The following DST variants were observed in gnomAD, a reference collection of about 807,000 sequenced individuals.
The protein encoded by DST is bullous pemphigoid antigen.
Under a neutral mutation model 875.2 loss-of-function variants are expected in DST, and 253 were observed. The ratio of observed to expected loss-of-function variants is 0.29; its 90% confidence interval spans 0.26 to 0.32. The LOEUF (loss-of-function observed/expected upper bound fraction) is 0.32, where lower values mean the gene tolerates loss of function less well. DST is among the 10% of genes least tolerant of loss of function. The pLI is 1.00. For missense variants in DST, 8,287 were observed against 9,111.6 expected (o/e 0.91, Z 3.68); for synonymous variants, 3,124 against 3,197.1 (o/e 0.98, Z 0.77).
intron 9 of DST, among the ~76,000 whole-genome samples, chr6:56,695,347 T>C (rs1184349606): frequency 2.6e-5 from 4 of 152,116 alleles, no homozygotes; most frequent in Non-Finnish European, 5.9e-5. Context: ...ACCTCTTTTC[T>C]GTTCTTTATA....
At chr6:56,825,870 C>T (rs2099779852) in intron 4 of DST, among the ~76,000 whole-genome samples, 1 of 152,178 alleles carries the variant, frequency 6.6e-6, no homozygotes, top group Non-Finnish European at 1.5e-5. Context: ...CCTTAATTGT[C>T]CTGTGACAAA....
At chr6:56,946,270 A>G (rs1192717390) in intron 2 of DST, among the ~76,000 whole-genome samples, 1 of 152,244 alleles carries the variant, frequency 6.6e-6, no homozygotes, top group East Asian at 1.9e-4. Context: ...ACTAAATTAA[A>G]GACTGAAACA....
At chr6:56,580,387 A>C (rs1250748229) in intron 49 of DST, among the ~76,000 whole-genome samples, 1 of 151,994 alleles carries the variant, frequency 6.6e-6, no homozygotes, top group Non-Finnish European at 1.5e-5. Context: ...TCTTTACAAA[A>C]AAAAATTAAA....
chr6:56,880,993 G>A (rs1324606034), intron 3 of DST, among the ~76,000 whole-genome samples: 2 of 151,156 alleles, frequency 1.3e-5, no homozygotes, highest in African/African-American at 2.4e-5. Context: ...GACTACAGTC[G>A]CCCACCACCA....
chr6:56,686,039 A>C (rs1380270727), intron 9 of DST, among the ~76,000 whole-genome samples: 1 of 152,224 alleles, frequency 6.6e-6, no homozygotes, highest in Non-Finnish European at 1.5e-5. Context: ...ATGGGAATCA[A>C]CCTAGGTGTC....
At chr6:56,549,104 T>C (rs530591093) in intron 61 of DST, among the ~76,000 whole-genome samples, 59 of 152,312 alleles carry the variant, frequency 3.9e-4, no homozygotes, top group African/African-American at 1.3e-3. Context: ...GGGAAGTCTA[T>C]CAAACCTGCT....
At chr6:56,492,499 T>C (rs1339498826) in intron 84 of DST, 66 bp from the exon 85 acceptor site, 3 of 1,458,310 alleles carry the variant, frequency 2.1e-6, no homozygotes, top group Non-Finnish European at 2.8e-6. Flanking sequence ...AAAATGCTTC[T>C]GGTGTCATAA....
chr6:56,560,718 G>A (rs1001317476), intron 57 of DST, among the ~76,000 whole-genome samples: 2 of 152,080 alleles, frequency 1.3e-5, no homozygotes, highest in Non-Finnish European at 2.9e-5. Flanking sequence ...CTGGAATAAA[G>A]CAAGATGATA....
rs1562733309 is a variant in DST, at chr6:56,552,308, T to G, written c.16484A>C (p.Glu5495Ala). 6.2e-7 allele frequency: 1 copy of G among 1,614,010 alleles called. No homozygotes were observed. Among genetic ancestry groups the G allele is most frequent in the Non-Finnish European group, 8.5e-7 (1 of 1,179,894 alleles). Residue 5495 changes from glutamate to alanine, a missense_variant, in exon 61 of 104, where the codon GAA becomes GCA. Glu to Ala is a moderately radical substitution (Grantham distance 107, BLOSUM62 -1). Transcript: ENST00000680361. ...EQVEGTIKRL[E>A]EFYSKLKEFS... is the part of the protein sequence containing the mutation. ...TTCTTTCAATTTGCTGTAAAATTCT[T>G]CAAGGCGCTTAATTGTCCCTTCAAC... is the stretch of plus-strand genomic sequence containing the variant.
intron 4 of DST, among the ~76,000 whole-genome samples, chr6:56,758,704 G>A (rs183128104): frequency 6.6e-5 from 10 of 152,328 alleles, no homozygotes; most frequent in African/African-American, 2.2e-4. Context: ...AGCAGTCAGC[G>A]AGAACAGCCA....
In DST at chr6:56,872,829, C is replaced by CA. The variant is rs1480601009; in HGVS notation, c.418-21226_418-21225insT. Among the ~76,000 whole-genome samples the CA allele has an allele frequency of 4.3e-4, 59 of 137,912 alleles. 1 individual carries two copies. Among genetic ancestry groups the CA allele is most frequent in the Non-Finnish European group, 8.2e-4 (52 of 63,670 alleles). 90.5% of individuals were successfully genotyped at this position (137,912 alleles called of 152,430 possible). Reference sequence around the variant, plus strand: ...TCTCTTCAATACACTGATTCCCCCCCCCCTTTTTTTTTTTTTCGGATATAT... The same window carrying CA: ...TCTCTTCAATACACTGATTCCCCCCCACCCTTTTTTTTTTTTTCGGATATAT... On this transcript the variant is annotated intron_variant, in intron 3 of 103. Transcript: ENST00000680361.
At position 56,604,889 on chromosome 6, in the gene DST, G is replaced by A; in HGVS notation, c.9739C>T (p.Leu3247Phe). ...PLNDMIQSND[L>F]CSKESISGGG... is the part of the protein sequence containing the mutation. ...CCTGAGATGCTTTCTTTACTACAAA[G>A]ATCATTGCTTTGGATCATGTCATTA... Residue 3247 changes from leucine to phenylalanine, a missense_variant, in exon 40 of 104, where the codon CTT (leucine) becomes TTT (phenylalanine). Around this residue, in one of 10 missense-constraint regions of DST, gnomAD observed 3,138 missense variants for 3,116.6 expected, o/e 1.01. Coordinates refer to ENST00000680361, the MANE Select transcript of DST (RefSeq NM_001374736.1). 1 of 1,612,582 alleles carries A rather than the reference G, an allele frequency of 6.2e-7. No individual in the cohort carries two copies. Among genetic ancestry groups the A allele is most frequent in the East Asian group, 2.2e-5 (1 of 44,846 alleles).
chr6:56,760,577 G>A (rs1040993690), intron 4 of DST, among the ~76,000 whole-genome samples: 10 of 152,268 alleles, frequency 6.6e-5, no homozygotes, highest in East Asian at 1.9e-4. Flanking sequence ...TGGTGCCAGG[G>A]TAATTATAAA....
intron 3 of DST, among the ~76,000 whole-genome samples, chr6:56,878,977 T>C (rs993606433): frequency 2.0e-5 from 3 of 152,156 alleles, no homozygotes; most frequent in African/African-American, 7.2e-5. Flanking sequence ...CCAGTAAAGT[T>C]GTGGCACCTG....
chr6:56,878,502 A>G (rs1233847336), intron 3 of DST, among the ~76,000 whole-genome samples: 1 of 152,178 alleles, frequency 6.6e-6, no homozygotes, highest in East Asian at 1.9e-4. Flanking sequence ...ATTCAAAGGG[A>G]TCCTATCCAA....
chr6:56,899,672 A>C (rs749000512), intron 3 of DST, among the ~76,000 whole-genome samples: 2 of 152,214 alleles, frequency 1.3e-5, no homozygotes, highest in African/African-American at 2.4e-5. Context: ...TCATAAAATT[A>C]CTTTACAAGT....
chr6:56,603,666 A>G lies in DST; in HGVS notation c.10839T>C (p.His3613=). ...TATCTTGAAGCAATGTCAAATACTC[A>G]TGCATTTTTTCAGTGTGCTGTAAAC... The part of the protein sequence containing the change: ...QQCLQHTEKM[H]EYLTLLQDMK... The change falls in exon 41 of 104, where the codon CAT becomes CAC. Residue 3613 remains histidine, a synonymous_variant. Transcript: ENST00000680361. The G allele has an allele frequency of 6.2e-7, 1 of 1,609,876 alleles. No individual in the cohort carries two copies.
intron 10 of DST, among the ~76,000 whole-genome samples, chr6:56,670,101 A>C (rs1285640154): frequency 6.6e-6 from 1 of 151,050 alleles, no homozygotes; most frequent in East Asian, 1.9e-4. Flanking sequence ...ACATCCGAAG[A>C]CATATTACAG....
intron 99 of DST, among the ~76,000 whole-genome samples, chr6:56,465,867 T>TAAAAAA (rs11359681): frequency 3.6e-5 from 4 of 112,406 alleles, no homozygotes; most frequent in African/African-American, 6.0e-5. Flanking sequence ...CCAGAAAAAG[T>TAAAAAA]AAAAAAAAAA....
Sources: allele counts gnomAD v4.1 joint callset (sites outside exome capture counted in the v4.1 genomes callset), GRCh38; gene constraint gnomAD v4.1.1; regional missense constraint gnomAD v4.1.1; transcripts MANE v1.5; gene names NCBI Gene and HGNC (gene_info 2026-07-23, HGNC 2026-07-21).